Variants in NPTN observed in about 807,000 individuals in gnomAD.
NPTN encodes SDR-1.
A neutral mutation model predicts 42.7 loss-of-function variants in NPTN; 5 were observed. The observed-to-expected ratio is 0.12, with a 90% CI of 0.06 to 0.25. The LOEUF (loss-of-function observed/expected upper bound fraction) is 0.25. Ranked by LOEUF, NPTN falls within the 10% of genes least tolerant of loss-of-function variation. NPTN has a pLI of 1.00. For synonymous variants in NPTN, 180 were observed against 201.9 expected (o/e 0.89, Z 0.92); for missense variants, 307 against 525.4 (o/e 0.58, Z 4.06).
intron 2 of NPTN, among the ~76,000 whole-genome samples, chr15:73,594,440 G>C (rs1896739536): frequency 6.6e-6 from 1 of 152,256 alleles, no homozygotes; most frequent in African/African-American, 2.4e-5. Flanking sequence ...CCAGGAGAGA[G>C]TCACTGGGAG....
At chr15:73,563,424 G>GGA in intron 6 of NPTN, 167 bp from the exon 7 acceptor site, 3 of 1,402,570 alleles carry the variant, frequency 2.1e-6, no homozygotes, top group Middle Eastern at 5.3e-4. Flanking sequence ...AAACACTCAT[G>GGA]GAGTTATTAT....
At chr15:73,618,553 A>C (rs1897974347) in intron 1 of NPTN, among the ~76,000 whole-genome samples, 1 of 152,244 alleles carries the variant, frequency 6.6e-6, no homozygotes, top group African/African-American at 2.4e-5. Flanking sequence ...AGAGAATAAA[A>C]TTAAGATAGG....
At chr15:73,611,410 A>C (rs1197577583) in intron 1 of NPTN, among the ~76,000 whole-genome samples, 1 of 152,176 alleles carries the variant, frequency 6.6e-6, no homozygotes, top group East Asian at 1.9e-4. Context: ...AAACAAAACA[A>C]AACAAAAACA....
intron 4 of NPTN, among the ~76,000 whole-genome samples, chr15:73,580,884 CAACT>C (rs1896010728): frequency 1.3e-5 from 2 of 151,976 alleles, no homozygotes; most frequent in African/African-American, 2.4e-5. Context: ...TATTACTCAC[CAACT>C]GAGTAACCCA....
At chr15:73,594,968 A>AC (rs1555409757) in intron 2 of NPTN, among the ~76,000 whole-genome samples, 3 of 151,910 alleles carry the variant, frequency 2.0e-5, no homozygotes. Context: ...AAAAAAAAAA[A>AC]AGCAGCAGCA....
intron 4 of NPTN, among the ~76,000 whole-genome samples, chr15:73,578,396 A>G (rs1436390105): frequency 6.6e-6 from 1 of 152,112 alleles, no homozygotes; most frequent in Admixed American, 6.6e-5. Context: ...AACAGTGGAA[A>G]TAAGGAGAAA....
At chr15:73,598,107 G>A (rs1256052309) in intron 1 of NPTN, among the ~76,000 whole-genome samples, 1 of 152,156 alleles carries the variant, frequency 6.6e-6, no homozygotes, top group Non-Finnish European at 1.5e-5. Flanking sequence ...TCACACCACA[G>A]TGAGATATTA....
chr15:73,586,561 C>G lies in NPTN; in HGVS notation c.706+963G>C, dbSNP rs1896328731. On this transcript the variant is annotated intron_variant, in intron 4 of 8. Coordinates refer to ENST00000345330, the MANE Select transcript of NPTN (RefSeq NM_012428.4). ...CATATAATGGAAACTTTGAATGTGT[C>G]TAAGCCTTTCTTGAATCTGCATTTT... is the stretch of plus-strand genomic sequence containing the variant. Among the ~76,000 whole-genome samples the G allele has an allele frequency of 2.6e-5, 4 of 152,196 alleles. No homozygotes were observed. The South Asian group carries it at 8.3e-4, about 32-fold the overall frequency.
intron 6 of NPTN, chr15:73,567,312 G>A: frequency 1.0e-6 from 1 of 985,216 alleles, no homozygotes; most frequent in Non-Finnish European, 1.2e-6. Flanking sequence ...TAGAAGTATG[G>A]CAGGCCTATA....
intron 1 of NPTN, among the ~76,000 whole-genome samples, chr15:73,619,682 T>C (rs1898038401): frequency 6.6e-6 from 1 of 152,242 alleles, no homozygotes. Context: ...AAATGGTAAA[T>C]AAGTTGTGTG....
chr15:73,591,852 G>C (rs1896601868), intron 3 of NPTN, 114 bp downstream of exon 3: 1 of 1,024,532 alleles, frequency 9.8e-7, no homozygotes, highest in Non-Finnish European at 1.4e-6. Context: ...CTCTCAAAGG[G>C]AGAACCAAAT....
chr15:73,570,351 G>A lies in NPTN; in HGVS notation c.913C>T (p.Leu305=). 1 of 1,614,092 alleles carries A rather than the reference G, an allele frequency of 6.2e-7. No individual in the cohort carries two copies. ...TCGCCAGGGTCTTCCGTGATCTGCA[G>A]GTTCACAATGTTCAACTCAGTGTAA... is the stretch of plus-strand genomic sequence containing the variant. ...ENYTELNIVN[L]QITEDPGEYE... Residue 305 remains leucine, a synonymous_variant, in exon 6 of 9, where the codon CTG becomes TTG. Coordinates refer to ENST00000345330, the MANE Select transcript of NPTN (RefSeq NM_012428.4). This position sits in a 1 kb window ranked among gnomAD's most constrained non-coding sequence, Gnocchi z 4.0.
chr15:73,577,232 G>A (rs1390018961), intron 4 of NPTN, among the ~76,000 whole-genome samples: 1 of 152,180 alleles, frequency 6.6e-6, no homozygotes, highest in Non-Finnish European at 1.5e-5. Flanking sequence ...AGTACACTCA[G>A]ACAGTTACAA....
intron 1 of NPTN, among the ~76,000 whole-genome samples, chr15:73,609,830 T>C (rs893163892): frequency 2.0e-5 from 3 of 152,194 alleles, no homozygotes; most frequent in South Asian, 2.1e-4. Context: ...TCAATATATA[T>C]ACAATGTGTA....
At chr15:73,567,354 A>G (rs1415734493) in intron 6 of NPTN, 1 of 985,332 alleles carries the variant, frequency 1.0e-6, no homozygotes, top group African/African-American at 1.7e-5. Context: ...TGGTATAAAA[A>G]AAATCCAACA....
Position 73,570,443 on chromosome 15 carries a change from C to T in NPTN, c.841-20G>A. 6.2e-7 allele frequency: 1 copy of T among 1,603,364 alleles called. No homozygotes were observed. Among genetic ancestry groups the T allele is most frequent in the Non-Finnish European group, 8.5e-7 (1 of 1,173,720 alleles). ...AATGTCCTGCAAAAAAGTGAGAATA[C>T]ACAAAGGTGAGAGTGAGTAACTGAG... On this transcript the variant is annotated intron_variant, in intron 5 of 8. Coordinates refer to ENST00000345330, the MANE Select transcript of NPTN (RefSeq NM_012428.4). The surrounding 1 kb of genome is among the most constrained non-coding windows in gnomAD (Gnocchi z 4.0).
At chr15:73,599,275 T>TA (rs1052702655) in intron 1 of NPTN, among the ~76,000 whole-genome samples, 5 of 152,032 alleles carry the variant, frequency 3.3e-5, no homozygotes, top group African/African-American at 1.2e-4. Context: ...TCTCACAAAC[T>TA]ACCACCTGCC....
Position 73,617,085 on chromosome 15 carries a change from T to C in NPTN, c.91+16040A>G, listed in dbSNP as rs192891795. Among the ~76,000 whole-genome samples the C allele has an allele frequency of 1.2e-3, 179 of 152,236 alleles. 2 individuals carry two copies. Among genetic ancestry groups the C allele is most frequent in the Admixed American group, 3.3e-3 (51 of 15,284 alleles). On this transcript the variant is annotated intron_variant, in intron 1 of 8. Transcript: ENST00000345330. ...TTCCATACGTTTACATAAATGAAAA[T>C]ATCTGTCACTCCAATTACTATATTC...
At chr15:73,598,038 T>C (rs987561657) in intron 1 of NPTN, among the ~76,000 whole-genome samples, 1 of 152,166 alleles carries the variant, frequency 6.6e-6, no homozygotes, top group African/African-American at 2.4e-5. Context: ...CCCAGTTGTT[T>C]AGCGTTAGGC....
Sources: gnomAD v4.1 joint callset for allele counts (sites outside exome capture counted in the v4.1 genomes callset) on GRCh38, gnomAD v4.1.1 for gene constraint, Gnocchi (gnomAD v3.1) non-coding constraint, MANE v1.5 for transcripts, NCBI Gene and HGNC (gene_info 2026-07-23, HGNC 2026-07-21) for gene names.